The following UBE2S variants were observed in gnomAD, a reference collection of about 807,000 sequenced individuals.
UBE2S encodes the protein ubiquitin-conjugating enzyme E2 S.
A neutral mutation model predicts 12.3 loss-of-function variants in UBE2S; 3 were observed. That is an observed-to-expected ratio of 0.24 (90% CI 0.11 to 0.63). The LOEUF (loss-of-function observed/expected upper bound fraction) is 0.63, where lower values mean the gene tolerates loss of function less well. Among genes scored for constraint, UBE2S ranks in the 30% least tolerant of loss-of-function variants. UBE2S has a pLI of 0.85. For synonymous variants in UBE2S, 133 were observed against 142.0 expected (o/e 0.94, Z 0.45); for missense variants, 211 against 313.9 (o/e 0.67, Z 2.48).
In UBE2S at chr19:55,400,661, G is replaced by A. The variant is rs1459529405; in HGVS notation, c.*775C>T. 6.6e-6 allele frequency: 1 copy of A among 152,252 alleles called. No individual in the cohort carries two copies. Among genetic ancestry groups the A allele is most frequent in the Non-Finnish European group, 1.5e-5 (1 of 68,056 alleles). The allele number at this position is 152,252 out of a possible 1,614,324, so 9.4% of individuals were successfully genotyped here. On this transcript the variant is annotated 3_prime_UTR_variant, in exon 4 of 4. Coordinates refer to ENST00000264552, the MANE Select transcript of UBE2S (RefSeq NM_014501.3). ...GAGCATGGAAGAGGACCCAGACTAA[G>A]GAACACCAACAACCAATACCTCAAT...
chr19:55,403,080 C>A, intron 3 of UBE2S: 1 of 1,236,724 alleles, frequency 8.1e-7, no homozygotes, highest in Non-Finnish European at 1.1e-6. Flanking sequence ...AGGATTTGGG[C>A]AGCACCCTTG....
chr19:55,405,957 C>G (rs1435478142), intron 2 of UBE2S, among the ~76,000 whole-genome samples: 1 of 152,178 alleles, frequency 6.6e-6, no homozygotes, highest in Non-Finnish European at 1.5e-5. Flanking sequence ...GCCAGGCCGG[C>G]TCTCCTCACT....
intron 3 of UBE2S, chr19:55,402,992 A>G (rs1459906871): frequency 5.2e-6 from 8 of 1,534,786 alleles, no homozygotes; most frequent in Non-Finnish European, 7.0e-6. Context: ...CTGGAGCACC[A>G]GCCTAGACCA....
chr19:55,406,773 G>A, intron 2 of UBE2S, 42 bp downstream of exon 2: 6 of 1,586,760 alleles, frequency 3.8e-6, no homozygotes, highest in Non-Finnish European at 5.1e-6. Context: ...GGTGATGGAG[G>A]ATCTAAGCAG....
chr19:55,402,731 T>TA (rs2090069567), intron 3 of UBE2S, among the ~76,000 whole-genome samples: 1 of 152,148 alleles, frequency 6.6e-6, no homozygotes, highest in Admixed American at 6.6e-5. Flanking sequence ...TAGCAGCAAG[T>TA]AGGCCTGGAG....
chr19:55,404,580 G>A lies in UBE2S; in HGVS notation c.152-102C>T, dbSNP rs1275881384. On this transcript the variant is annotated intron_variant, in intron 2 of 3. Transcript: ENST00000264552. This position sits in a 1 kb window ranked among gnomAD's most constrained non-coding sequence, Gnocchi z 4.4. ...CACGGTCTGATTGTGATGCAGGTGG[G>A]TGCCCCGCCAACTCTGCCAACAGAC... The A allele has an allele frequency of 2.8e-6, 3 of 1,089,994 alleles. No homozygotes were observed. In the African/African-American group the frequency reaches 4.8e-5, roughly 17 times the overall value. 67.5% of individuals were successfully genotyped at this position (1,089,994 alleles called of 1,614,324 possible).
At chr19:55,405,370 ATGG>A (rs1417883238) in intron 2 of UBE2S, among the ~76,000 whole-genome samples, 10 of 150,216 alleles carry the variant, frequency 6.7e-5, no homozygotes, top group African/African-American at 2.5e-4. Context: ...TTAGCTGGGC[ATGG>A]TGGTGCACGT....
At chr19:55,405,376 G>A (rs540235292) in intron 2 of UBE2S, among the ~76,000 whole-genome samples, 13 of 152,134 alleles carry the variant, frequency 8.5e-5, no homozygotes, top group African/African-American at 2.7e-4. Flanking sequence ...GGGCATGGTG[G>A]TGCACGTCTG....
At chr19:55,407,205 C>A (rs573258608) in intron 1 of UBE2S, among the ~76,000 whole-genome samples, 12 of 144,084 alleles carry the variant, frequency 8.3e-5, no homozygotes, top group Admixed American at 6.2e-4. Flanking sequence ...ACCCCCCCCC[C>A]AAAGCCCGCT....
Position 55,399,810 on chromosome 19 carries a change from A to G in UBE2S, c.*1626T>C, listed in dbSNP as rs2090044430. On this transcript the variant is annotated 3_prime_UTR_variant, in exon 4 of 4. Coordinates refer to ENST00000264552, the MANE Select transcript of UBE2S (RefSeq NM_014501.3). ...ATTTCAGTGGGTTCCGAGGCCCAGG[A>G]TGCAGGCACCTTCCTTCAGCAAGGA... 2 of 152,230 alleles carry G rather than the reference A, an allele frequency of 1.3e-5. 1 individual carries two copies. Among genetic ancestry groups the G allele is most frequent in the South Asian group, 4.1e-4 (2 of 4,836 alleles). The allele number at this position is 152,230 out of a possible 1,614,324, so 9.4% of individuals were successfully genotyped here.
chr19:55,405,984 T>C (rs1380717673), intron 2 of UBE2S, among the ~76,000 whole-genome samples: 2 of 152,252 alleles, frequency 1.3e-5, no homozygotes, highest in Admixed American at 6.5e-5. Context: ...AATAGGAACT[T>C]TGGAGGGATT....
intron 3 of UBE2S, among the ~76,000 whole-genome samples, chr19:55,403,746 T>A (rs1192539399): frequency 1.3e-5 from 2 of 148,446 alleles, no homozygotes; most frequent in Non-Finnish European, 3.0e-5. Context: ...TATCTTATTT[T>A]TTTTTTTTTT....
At chr19:55,406,253 T>C (rs960036775) in intron 2 of UBE2S, among the ~76,000 whole-genome samples, 1 of 152,228 alleles carries the variant, frequency 6.6e-6, no homozygotes, top group Non-Finnish European at 1.5e-5. Flanking sequence ...ATCACCACCG[T>C]GGACTAGACC....
At chr19:55,406,789 C>T (rs2090098867) in intron 2 of UBE2S, 26 bp downstream of exon 2, 3 of 1,601,484 alleles carry the variant, frequency 1.9e-6, no homozygotes, top group Non-Finnish European at 1.7e-6. Context: ...AGCAGCAGCC[C>T]CTTCTCTTTT....
intron 3 of UBE2S, among the ~76,000 whole-genome samples, chr19:55,402,460 T>C (rs1238380087): frequency 6.6e-6 from 1 of 152,094 alleles, no homozygotes; most frequent in Non-Finnish European, 1.5e-5. Flanking sequence ...TAAATTGGAG[T>C]GCAGAGGTGT....
rs61280119 is a variant in UBE2S at position 55,400,097 on chromosome 19, G to C, written c.*1339C>G. ...AGGCTGAGCCGTTTCAACCTCAGCT[G>C]TTTTATTAGAATAGGCAAATTCTTT... is the stretch of plus-strand genomic sequence containing the variant. On this transcript the variant is annotated 3_prime_UTR_variant, in exon 4 of 4. Coordinates refer to ENST00000264552, the MANE Select transcript of UBE2S (RefSeq NM_014501.3). 6.6e-6 allele frequency: 1 copy of C among 152,154 alleles called. No individual in the cohort carries two copies. Among genetic ancestry groups the C allele is most frequent in the African/African-American group, 2.4e-5 (1 of 41,418 alleles). 9.4% of individuals were successfully genotyped at this position (152,154 alleles called of 1,614,324 possible).
At chr19:55,407,008 G>T in intron 1 of UBE2S, 46 bp from the exon 2 acceptor site, 1 of 1,597,424 alleles carries the variant, frequency 6.3e-7, no homozygotes, top group Non-Finnish European at 8.5e-7. Context: ...TAAGAGCTGG[G>T]CTTCCCGCAG....
chr19:55,406,887 G>C lies in UBE2S; in HGVS notation c.79C>G (p.Pro27Ala). ...YKEVTTLTAD[P>A]PDGIKVFPNE... The stretch of plus-strand genomic sequence containing the variant: ...GGAAAGACCTTGATGCCATCGGGTG[G>C]GTCTGCGGTCAGTGTCGTCACCTCC... Residue 27 changes from proline (P) to alanine (A), a missense_variant, in exon 2 of 4, where the codon CCA becomes GCA. By Grantham distance (27) the Pro-to-Ala change is conservative (BLOSUM62 -1). Coordinates refer to ENST00000264552, the MANE Select transcript of UBE2S (RefSeq NM_014501.3). 6.2e-7 allele frequency: 1 copy of C among 1,613,964 alleles called. No individual in the cohort carries two copies. The highest frequency in any genetic ancestry group is 8.5e-7 in the Non-Finnish European group (1 of 1,179,960).
At position 55,406,974 on chromosome 19, in the gene UBE2S, T is replaced by C. The variant is rs923886243; in HGVS notation, c.4-12A>G. 8 of 1,612,628 alleles carry C rather than the reference T, an allele frequency of 5.0e-6. No individual in the cohort carries two copies. In the Admixed American group the frequency reaches 1.0e-4, roughly 20 times the overall value. ...TCCACGTTGGAGTTCTGGGCACGGA[T>C]GGGAGAGCAGGGTGAGCGAGTGTTA... On this transcript the variant is annotated splice_polypyrimidine_tract_variant and intron_variant, in intron 1 of 3. Coordinates refer to ENST00000264552, the MANE Select transcript of UBE2S (RefSeq NM_014501.3).
Sources: gnomAD v4.1 joint callset for allele counts (sites outside exome capture counted in the v4.1 genomes callset) on GRCh38, gnomAD v4.1.1 for gene constraint, Gnocchi (gnomAD v3.1) non-coding constraint, MANE v1.5 for transcripts, NCBI Gene and HGNC (gene_info 2026-07-23, HGNC 2026-07-21) for gene names.